Variants in CAMK2G observed in about 807,000 individuals in gnomAD.
The protein encoded by CAMK2G is calcium/calmodulin-dependent protein kinase type II subunit gamma.
Under a neutral mutation model 88.7 loss-of-function variants are expected in CAMK2G, and 23 were observed. That is an observed-to-expected ratio of 0.26 (90% CI 0.19 to 0.37). CAMK2G has a LOEUF of 0.37. Ranked by LOEUF, CAMK2G falls within the 10% of genes least tolerant of loss-of-function variation. CAMK2G has a pLI of 1.00. For synonymous variants in CAMK2G, 263 were observed against 294.8 expected (o/e 0.89, Z 1.11); for missense variants, 476 against 780.8 (o/e 0.61, Z 4.65).
At chr10:73,832,795 T>C (rs767561392) in intron 14 of CAMK2G, among the ~76,000 whole-genome samples, 1 of 152,168 alleles carries the variant, frequency 6.6e-6, no homozygotes, top group South Asian at 2.1e-4. Flanking sequence ...TTTAAAAACA[T>C]TTTTAAGAGT....
At chr10:73,816,609 G>A (rs1024667478) in intron 21 of CAMK2G, 72 of 594,332 alleles carry the variant, frequency 1.2e-4, no homozygotes, top group African/African-American at 2.0e-4. Context: ...TACAGGCACC[G>A]CCACCACGCC....
At chr10:73,858,431 A>G (rs887884827) in intron 3 of CAMK2G, among the ~76,000 whole-genome samples, 3 of 152,174 alleles carry the variant, frequency 2.0e-5, no homozygotes, top group Admixed American at 6.5e-5. Context: ...CCAGGTCCAG[A>G]TCCATGGCAA....
intron 3 of CAMK2G, among the ~76,000 whole-genome samples, chr10:73,858,513 C>T (rs2095204574): frequency 6.6e-6 from 1 of 152,214 alleles, no homozygotes; most frequent in Non-Finnish European, 1.5e-5. Flanking sequence ...CTGGAGCTCC[C>T]AGGACACAGT....
intron 14 of CAMK2G, among the ~76,000 whole-genome samples, chr10:73,829,384 T>C (rs1343954936): frequency 6.6e-6 from 1 of 151,868 alleles, no homozygotes; most frequent in African/African-American, 2.4e-5. Flanking sequence ...AACCTCCGCC[T>C]CCCTGGTTCA....
At chr10:73,826,037 C>T (rs1261760701) in intron 15 of CAMK2G, among the ~76,000 whole-genome samples, 1 of 152,126 alleles carries the variant, frequency 6.6e-6, no homozygotes, top group Admixed American at 6.5e-5. Context: ...GGGGCTGTAG[C>T]TGTAGTCCCA....
chr10:73,832,151 G>C (rs1226412099), intron 14 of CAMK2G, among the ~76,000 whole-genome samples: 2 of 151,982 alleles, frequency 1.3e-5, no homozygotes, highest in Admixed American at 1.3e-4. Context: ...AAATGTGTAA[G>C]AAAAAAAGTT....
At chr10:73,846,449 C>G (rs1247557045) in intron 10 of CAMK2G, 2 of 152,218 alleles carry the variant, frequency 1.3e-5, no homozygotes, top group Non-Finnish European at 2.9e-5. Context: ...CTCCTGTACT[C>G]TCATTAGATT....
intron 3 of CAMK2G, among the ~76,000 whole-genome samples, chr10:73,859,900 C>T (rs1315780908): frequency 6.6e-6 from 1 of 152,214 alleles, no homozygotes; most frequent in Admixed American, 6.5e-5. Context: ...AGTCACCTCA[C>T]AGCCCTGGCC....
intron 18 of CAMK2G, among the ~76,000 whole-genome samples, chr10:73,820,464 TTATATATA>T (rs71483976): frequency 1.3e-5 from 1 of 74,078 alleles, no homozygotes; most frequent in African/African-American, 7.0e-5. Flanking sequence ...GGTTTTATAT[TTATATATA>T]TATATATATA....
chr10:73,815,220 T>C lies in CAMK2G; in HGVS notation c.1562A>G (p.His521Arg). 1 of 1,614,152 alleles carries C rather than the reference T, an allele frequency of 6.2e-7. No homozygotes were observed. The highest frequency in any genetic ancestry group is 8.5e-7 in the Non-Finnish European group (1 of 1,179,974). ...GACGTGTGGGTTTAGGATGGTGGTA[T>C]GGATAGGCTTGCTGTTCTTGGACAG... ...NLLSKNSKPI[H>R]TTILNPHVHV... Residue 521 changes from histidine to arginine, a missense_variant, in exon 22 of 23, where the codon CAT becomes CGT. This residue lies in a region of CAMK2G where 278 missense variants were observed against 366.5 expected (regional missense o/e 0.76). Coordinates refer to ENST00000423381, the MANE Select transcript of CAMK2G (RefSeq NM_001367534.1).
chr10:73,817,632 A>G, intron 19 of CAMK2G, 78 bp from the exon 20 acceptor site: 1 of 928,440 alleles, frequency 1.1e-6, no homozygotes, highest in Non-Finnish European at 1.8e-6. Context: ...AGTCCTCAGG[A>G]GTCCCCTGTG....
intron 14 of CAMK2G, among the ~76,000 whole-genome samples, chr10:73,835,988 T>C (rs1385123890): frequency 6.6e-6 from 1 of 151,988 alleles, no homozygotes; most frequent in African/African-American, 2.4e-5. Flanking sequence ...GCACCGGTCA[T>C]TATGACTGGC....
Position 73,873,159 on chromosome 10 carries a change from G to T in CAMK2G, c.66-76C>A, listed in dbSNP as rs112935295. On this transcript the variant is annotated intron_variant, in intron 1 of 22. Transcript: ENST00000423381. ...ACAGACACACTTCAAGTCTGGGGAC[G>T]ATGATGCTCCCACCACCAGACCTCT... 1,101 of 1,102,772 alleles carry T rather than the reference G, an allele frequency of 1.0e-3. 5 individuals carry two copies. The highest frequency in any genetic ancestry group is 7.4e-3 in the African/African-American group (485 of 65,298). The allele number at this position is 1,102,772 out of a possible 1,614,324, so 68.3% of individuals were successfully genotyped here.
Position 73,819,582 on chromosome 10 carries a change from G to C in CAMK2G, c.1313C>G (p.Thr438Arg). 6.5e-7 allele frequency: 1 copy of C among 1,549,014 alleles called. No homozygotes were observed. The highest frequency in any genetic ancestry group is 1.2e-5 in the South Asian group (1 of 83,992). Residue 438 changes from threonine to arginine, a missense_variant, in exon 19 of 23, where the codon ACA (threonine) becomes AGA (arginine). Thr to Arg is a moderately conservative substitution (Grantham distance 71, BLOSUM62 -1). This residue lies in a region of CAMK2G where 278 missense variants were observed against 366.5 expected (regional missense o/e 0.76). Transcript: ENST00000423381. Reference sequence around the variant, plus strand: ...GGGCTGCATGCCTGCAGAGGGGGCTGTTCTGTCCCGGGAGCTCCGTCCTTC... The same window carrying C: ...GGGCTGCATGCCTGCAGAGGGGGCTCTTCTGTCCCGGGAGCTCCGTCCTTC... ...VPEGRSSRDRTAPSAGMQPQP... is the reference protein window; with the variant it reads ...VPEGRSSRDRRAPSAGMQPQP...
rs145792492 is a variant in CAMK2G at position 73,872,543 on chromosome 10, G to A, written c.160+446C>T. On this transcript the variant is annotated intron_variant, in intron 2 of 22. Transcript: ENST00000423381. Reference sequence around the variant, plus strand: ...GGGAGTCTGTTCTGCCGCCTGGTGGGCAGGGGAGGCTGGCTTTGTCAGAGC... The same window carrying A: ...GGGAGTCTGTTCTGCCGCCTGGTGGACAGGGGAGGCTGGCTTTGTCAGAGC... Among the ~76,000 whole-genome samples the A allele has an allele frequency of 8.5e-5, 13 of 152,354 alleles. No individual in the cohort carries two copies. In the East Asian group the frequency reaches 2.3e-3, roughly 27 times the overall value.
Position 73,849,349 on chromosome 10 carries a change from G to C in CAMK2G, c.342-16C>G. On this transcript the variant is annotated splice_polypyrimidine_tract_variant and intron_variant, in intron 5 of 22. Transcript: ENST00000423381. ...TATACAGTGGCTAAAAAAGCAGAAGGAAAAGAAATGTTAGCGCAGGGTTAA... is the reference window on the plus strand; with the variant it reads ...TATACAGTGGCTAAAAAAGCAGAAGCAAAAGAAATGTTAGCGCAGGGTTAA... 3.1e-6 allele frequency: 5 copies of C among 1,595,396 alleles called. No homozygotes were observed. The highest frequency in any genetic ancestry group is 4.3e-6 in the Non-Finnish European group (5 of 1,163,470).
intron 2 of CAMK2G, among the ~76,000 whole-genome samples, chr10:73,866,899 C>T (rs1196132581): frequency 1.3e-5 from 2 of 152,238 alleles, no homozygotes; most frequent in Admixed American, 1.3e-4. Flanking sequence ...TCCCAAGCCA[C>T]GATCCCACCG....
chr10:73,833,663 C>T (rs1432657194), intron 14 of CAMK2G, among the ~76,000 whole-genome samples: 2 of 150,320 alleles, frequency 1.3e-5, no homozygotes, highest in African/African-American at 4.9e-5. Flanking sequence ...TGGTGTAATC[C>T]CAGCTCACGG....
intron 17 of CAMK2G, among the ~76,000 whole-genome samples, chr10:73,823,075 T>A (rs1021478500): frequency 6.6e-6 from 1 of 152,182 alleles, no homozygotes; most frequent in African/African-American, 2.4e-5. Flanking sequence ...TTGGCCAGGC[T>A]GGTTTTGAAC....
Sources: allele counts gnomAD v4.1 joint callset (sites outside exome capture counted in the v4.1 genomes callset), GRCh38; gene constraint gnomAD v4.1.1; regional missense constraint gnomAD v4.1.1; transcripts MANE v1.5; gene names NCBI Gene and HGNC (gene_info 2026-07-23, HGNC 2026-07-21).